The following RSPH14 variants were observed in gnomAD, a reference collection of about 807,000 sequenced individuals.
RSPH14 encodes radial spoke head 14 homolog.
In RSPH14, 20 loss-of-function variants were observed where a neutral mutation model predicts 26.7. The ratio of observed to expected loss-of-function variants is 0.75; its 90% CI spans 0.53 to 1.09. The LOEUF (loss-of-function observed/expected upper bound fraction) is 1.09, where lower values mean the gene tolerates loss of function less well. RSPH14 is among the 50% of genes least tolerant of loss of function. The pLI, the probability that RSPH14 is intolerant of heterozygous loss-of-function variation, is 0.00. For synonymous variants in RSPH14, 177 were observed against 189.3 expected (o/e 0.93, Z 0.53); for missense variants, 449 against 457.2 (o/e 0.98, Z 0.16).
At chr22:23,161,696 TCCAC>T in the RSPH14 span, 2 of 760,826 alleles carry the variant, frequency 2.6e-6, no homozygotes, top group African/African-American at 1.8e-5. Flanking sequence ...TTCCAGTCCC[TCCAC>T]CCACCCACCG....
At chr22:23,159,402 C>A in the RSPH14 span, 1 of 782,420 alleles carries the variant, frequency 1.3e-6, no homozygotes. Flanking sequence ...CCCTGCTGTG[C>A]TGGTGCCTGG....
the RSPH14 span, chr22:23,162,985 C>T: frequency 3.1e-6 from 1 of 325,342 alleles, no homozygotes; most frequent in Non-Finnish European, 6.0e-6. Context: ...AATCTCGGCT[C>T]AGTGCAACCT....
intron 2 of RSPH14, 95 bp from the exon 3 acceptor site, chr22:23,139,037 G>A (rs552129745): frequency 2.2e-6 from 2 of 914,524 alleles, no homozygotes; most frequent in South Asian, 3.1e-5. Flanking sequence ...GGCCAGTTGG[G>A]GCAGGAATGT....
At chr22:23,083,100 CACAG>C (rs1208198418) in intron 4 of RSPH14, among the ~76,000 whole-genome samples, 2 of 152,092 alleles carry the variant, frequency 1.3e-5, no homozygotes, top group South Asian at 2.1e-4. Flanking sequence ...GGACTCTCCA[CACAG>C]ACAGAAGGAA....
chr22:23,065,425 G>A (rs766854575), intron 4 of RSPH14, among the ~76,000 whole-genome samples: 1 of 151,468 alleles, frequency 6.6e-6, no homozygotes, highest in Non-Finnish European at 1.5e-5. Context: ...GGTATCAGAT[G>A]GAGCAGCTAG....
At chr22:23,129,325 A>G (rs1404386394) in intron 4 of RSPH14, among the ~76,000 whole-genome samples, 1 of 152,046 alleles carries the variant, frequency 6.6e-6, no homozygotes, top group African/African-American at 2.4e-5. Context: ...ACAGATCATG[A>G]GCAGCACTCA....
chr22:23,103,322 A>C (rs1463494323), intron 4 of RSPH14, among the ~76,000 whole-genome samples: 1 of 152,114 alleles, frequency 6.6e-6, no homozygotes, highest in Non-Finnish European at 1.5e-5. Context: ...TTAGACCTTT[A>C]CCAGTGCACC....
intron 4 of RSPH14, among the ~76,000 whole-genome samples, chr22:23,078,484 C>G (rs959491796): frequency 9.4e-5 from 14 of 148,334 alleles, no homozygotes; most frequent in African/African-American, 3.2e-4. Flanking sequence ...CACACTGACA[C>G]CCCCATCTCT....
the RSPH14 span, among the ~76,000 whole-genome samples, chr22:23,150,623 G>A: frequency 1.3e-5 from 2 of 152,050 alleles, no homozygotes; most frequent in African/African-American, 4.8e-5. Context: ...TTTTCATCTG[G>A]CTTCAGTTAA....
chr22:23,169,955 G>A, the RSPH14 span, among the ~76,000 whole-genome samples: 2 of 151,952 alleles, frequency 1.3e-5, no homozygotes, highest in Non-Finnish European at 2.9e-5. Flanking sequence ...AAATTAGCTG[G>A]GCATGGTGGT....
At chr22:23,159,070 G>A in the RSPH14 span, 6 of 1,588,876 alleles carry the variant, frequency 3.8e-6, no homozygotes, top group East Asian at 4.5e-5. Flanking sequence ...GAGGGAGGGA[G>A]GCAGCACAGT....
At chr22:23,092,521 G>A (rs930596303) in intron 4 of RSPH14, among the ~76,000 whole-genome samples, 5 of 152,158 alleles carry the variant, frequency 3.3e-5, no homozygotes, top group African/African-American at 7.2e-5. Context: ...GTGACTGTTC[G>A]TCACTGCCCC....
intron 4 of RSPH14, among the ~76,000 whole-genome samples, chr22:23,130,598 C>CCAAG (rs2070343199): frequency 6.6e-6 from 1 of 151,948 alleles, no homozygotes; most frequent in South Asian, 2.1e-4. Flanking sequence ...CAGTGAGAAG[C>CCAAG]CAAGAAAACA....
At chr22:23,084,831 C>T (rs986849892) in intron 4 of RSPH14, among the ~76,000 whole-genome samples, 3 of 152,190 alleles carry the variant, frequency 2.0e-5, no homozygotes, top group African/African-American at 4.8e-5. Context: ...TGAGTGTGGG[C>T]GTGGACACCA....
chr22:23,139,947 G>A (rs1270648651), intron 2 of RSPH14, among the ~76,000 whole-genome samples: 1 of 152,210 alleles, frequency 6.6e-6, no homozygotes, highest in Non-Finnish European at 1.5e-5. Context: ...TGTAGTCCTA[G>A]TTACTCAGGA....
In RSPH14 at chr22:23,134,081, T is replaced by A; in HGVS notation, c.366A>T (p.Pro122=). The A allele has an allele frequency of 6.2e-7, 1 of 1,613,704 alleles. No individual in the cohort carries two copies. The stretch of plus-strand genomic sequence containing the variant: ...CCTTGTACAGGTTCCCCCGGCAGAC[T>A]GGGCTGGGGTCATTCAGCAGGAAGG... ...ALSFLLNDPS[P]VCRGNLYKAY... Residue 122 remains proline (P), a synonymous_variant, in exon 4 of 7, where the codon CCA becomes CCT. Coordinates refer to ENST00000216036, the MANE Select transcript of RSPH14 (RefSeq NM_014433.3).
the RSPH14 span, among the ~76,000 whole-genome samples, chr22:23,177,213 C>T: frequency 2.6e-5 from 4 of 152,246 alleles, no homozygotes; most frequent in African/African-American, 7.2e-5. Context: ...TGGTCCTTGT[C>T]CTTAGGACCA....
At chr22:23,109,872 C>A (rs1436213998) in intron 4 of RSPH14, among the ~76,000 whole-genome samples, 1 of 152,180 alleles carries the variant, frequency 6.6e-6, no homozygotes, top group Non-Finnish European at 1.5e-5. Flanking sequence ...AGGTACCAGC[C>A]CCCCACCTCT....
At chr22:23,113,933 G>T (rs1448748889) in intron 4 of RSPH14, among the ~76,000 whole-genome samples, 1 of 152,244 alleles carries the variant, frequency 6.6e-6, no homozygotes, top group African/African-American at 2.4e-5. Flanking sequence ...AGTGCCCCAT[G>T]TCCCTCCAGC....
Sources: gnomAD v4.1 joint callset for allele counts (sites outside exome capture counted in the v4.1 genomes callset) on GRCh38, gnomAD v4.1.1 for gene constraint, MANE v1.5 for transcripts, NCBI Gene and HGNC (gene_info 2026-07-23, HGNC 2026-07-21) for gene names.